EYS: variants seen among roughly 807,000 people sequenced by gnomAD.
EYS encodes the protein protein eyes shut homolog.
In EYS, 250 loss-of-function variants were observed where a neutral mutation model predicts 282.1. The observed-to-expected ratio is 0.89, with a 90% confidence interval of 0.80 to 0.98. EYS has a LOEUF of 0.98. Ranked by LOEUF, EYS falls within the 50% of genes least tolerant of loss-of-function variation. The probability of loss-of-function intolerance (pLI) is 0.00; values close to 1 mark genes in which losing one functional copy is unlikely to be tolerated. For missense variants in EYS, 4,016 were observed against 3,709.0 expected (o/e 1.08, Z -2.15); for synonymous variants, 1,355 against 1,282.9 (o/e 1.06, Z -1.20).
chr6:63,931,992 T>A (rs911457202), intron 35 of EYS, among the ~76,000 whole-genome samples: 10 of 152,234 alleles, frequency 6.6e-5, no homozygotes, highest in African/African-American at 2.4e-4. Context: ...AGCTCATATT[T>A]TTGTAGTTTC....
intron 12 of EYS, among the ~76,000 whole-genome samples, chr6:65,097,803 A>T (rs79821189): frequency 1.6e-4 from 19 of 117,726 alleles, no homozygotes; most frequent in Non-Finnish European, 2.7e-4. Flanking sequence ...AAAATAAAAT[A>T]AAAAAAAAAA....
At chr6:63,746,622 G>A (rs1394853560) in intron 41 of EYS, among the ~76,000 whole-genome samples, 2 of 152,002 alleles carry the variant, frequency 1.3e-5, no homozygotes, top group East Asian at 1.9e-4. Context: ...TGGTCTATTC[G>A]TGGACTCAAC....
chr6:65,248,583 G>T (rs1767240644), intron 12 of EYS, among the ~76,000 whole-genome samples: 1 of 151,892 alleles, frequency 6.6e-6, no homozygotes, highest in South Asian at 2.1e-4. Flanking sequence ...ATAATAATGA[G>T]TTAATTGAAA....
intron 29 of EYS, among the ~76,000 whole-genome samples, chr6:64,365,149 T>C (rs755637202): frequency 3.3e-5 from 5 of 151,748 alleles, no homozygotes; most frequent in Non-Finnish European, 5.9e-5. Flanking sequence ...CAACTGGAAA[T>C]AGTTACAATA....
chr6:65,104,484 C>G (rs1419316959), intron 12 of EYS, among the ~76,000 whole-genome samples: 1 of 151,404 alleles, frequency 6.6e-6, no homozygotes, highest in Non-Finnish European at 1.5e-5. Context: ...CTTACTCATC[C>G]TAAATGCAGA....
chr6:63,787,078 G>A (rs1398102888), intron 39 of EYS: 1 of 152,070 alleles, frequency 6.6e-6, no homozygotes, highest in Non-Finnish European at 1.5e-5. Flanking sequence ...TGGCATAAGT[G>A]GCAATTTCCA....
chr6:64,274,389 C>A (rs78275639), intron 30 of EYS, among the ~76,000 whole-genome samples: 5,484 of 150,638 alleles, frequency 0.036, 153 homozygotes, highest in Non-Finnish European at 0.056. Flanking sequence ...CCAGGCTGGT[C>A]TCAAACTCCT....
chr6:63,944,116 ACT>A (rs1181462280), intron 35 of EYS, among the ~76,000 whole-genome samples: 1 of 151,776 alleles, frequency 6.6e-6, no homozygotes, highest in Non-Finnish European at 1.5e-5. Context: ...AGAGACAATG[ACT>A]CTTTTTTCTG....
chr6:65,195,064 G>C (rs2150242267), intron 12 of EYS, among the ~76,000 whole-genome samples: 1 of 152,088 alleles, frequency 6.6e-6, no homozygotes, highest in African/African-American at 2.4e-5. Flanking sequence ...ATTTCAATGT[G>C]ATATTGTGTT....
chr6:65,138,505 TG>T (rs1776085916), intron 12 of EYS, among the ~76,000 whole-genome samples: 1 of 152,082 alleles, frequency 6.6e-6, no homozygotes, highest in South Asian at 2.1e-4. Flanking sequence ...CTGCTAATAA[TG>T]GCTAACAATC....
Position 63,939,631 on chromosome 6 carries a change from A to C in EYS, c.7055+44752T>G, listed in dbSNP as rs560338983. On this transcript the variant is annotated intron_variant, in intron 35 of 42. Coordinates refer to ENST00000503581, the MANE Select transcript of EYS (RefSeq NM_001142800.2). ...TTCACTTATATATGGATTTTCTTCA[A>C]TAAATATATTGAAATATGTTTTGAA... is the stretch of plus-strand genomic sequence containing the variant. Among the ~76,000 whole-genome samples the C allele has an allele frequency of 8.8e-4, 134 of 152,322 alleles. 1 individual carries two copies. Among genetic ancestry groups the C allele is most frequent in the African/African-American group, 3.1e-3 (130 of 41,578 alleles).
intron 40 of EYS, among the ~76,000 whole-genome samples, chr6:63,763,049 A>G (rs879453653): frequency 1.3e-5 from 2 of 152,100 alleles, no homozygotes; most frequent in Admixed American, 6.6e-5. Flanking sequence ...GCAAACTCAC[A>G]GGCTCAGCTC....
chr6:64,518,353 C>T (rs1777624861), intron 26 of EYS, among the ~76,000 whole-genome samples: 1 of 151,730 alleles, frequency 6.6e-6, no homozygotes, highest in Non-Finnish European at 1.5e-5. Flanking sequence ...GTCATGTAAT[C>T]TAGCCCGGGC....
intron 5 of EYS, among the ~76,000 whole-genome samples, chr6:65,459,802 T>C (rs1023028548): frequency 6.6e-6 from 1 of 150,862 alleles, no homozygotes. Context: ...TTTGAAAATA[T>C]ATTTACAGTC....
intron 26 of EYS, among the ~76,000 whole-genome samples, chr6:64,445,589 G>A (rs925349963): frequency 6.6e-6 from 1 of 152,148 alleles, no homozygotes; most frequent in African/African-American, 2.4e-5. Context: ...TCAGATGGAT[G>A]TATGTTTATG....
intron 31 of EYS, among the ~76,000 whole-genome samples, chr6:64,127,739 C>T (rs950193257): frequency 6.6e-6 from 1 of 151,884 alleles, no homozygotes; most frequent in African/African-American, 2.4e-5. Flanking sequence ...GCAATACACC[C>T]AAATGAAAAG....
At chr6:64,108,857 A>G (rs377171428) in intron 31 of EYS, among the ~76,000 whole-genome samples, 95 of 152,106 alleles carry the variant, frequency 6.2e-4, no homozygotes, top group African/African-American at 2.3e-3. Flanking sequence ...CATGTTTTGA[A>G]CTCTCATTTG....
chr6:64,514,352 G>A (rs1777497857), intron 26 of EYS, among the ~76,000 whole-genome samples: 1 of 151,792 alleles, frequency 6.6e-6, no homozygotes, highest in Non-Finnish European at 1.5e-5. Context: ...GGAATTGCAG[G>A]AGAAAACAAT....
chr6:64,448,001 C>G (rs1463341526), intron 26 of EYS, among the ~76,000 whole-genome samples: 1 of 152,162 alleles, frequency 6.6e-6, no homozygotes, highest in Non-Finnish European at 1.5e-5. Flanking sequence ...AAGTGCCGGA[C>G]AGTGGGTGCA....
Sources: allele counts gnomAD v4.1 joint callset (sites outside exome capture counted in the v4.1 genomes callset), GRCh38; gene constraint gnomAD v4.1.1; transcripts MANE v1.5; gene names NCBI Gene and HGNC (gene_info 2026-07-23, HGNC 2026-07-21).